PLEKHA8: variants seen among roughly 807,000 people sequenced by gnomAD.
PLEKHA8 encodes pleckstrin homology domain containing A8, also known as pleckstrin homology domain-containing family A member 8.
Under a neutral mutation model 68.2 loss-of-function variants are expected in PLEKHA8, and 36 were observed. The observed-to-expected ratio is 0.53, with a 90% CI of 0.40 to 0.70. PLEKHA8 has a LOEUF of 0.70. PLEKHA8 is among the 30% of genes least tolerant of loss of function. The pLI is 0.00. For synonymous variants in PLEKHA8, 211 were observed against 216.1 expected (o/e 0.98, Z 0.20); for missense variants, 505 against 615.4 (o/e 0.82, Z 1.90).
At chr7:30,035,671 G>T (rs1466196514) in intron 1 of PLEKHA8, among the ~76,000 whole-genome samples, 1 of 151,974 alleles carries the variant, frequency 6.6e-6, no homozygotes, top group Admixed American at 6.6e-5. Context: ...TTGAGATGGA[G>T]TGTTGCTCTG....
chr7:30,128,127 G>GTTTT (rs1796810710), intron 13 of PLEKHA8, among the ~76,000 whole-genome samples: 1 of 138,420 alleles, frequency 7.2e-6, no homozygotes, highest in Non-Finnish European at 1.5e-5. Flanking sequence ...TTTATTTTGA[G>GTTTT]ACAAGGTCTT....
At chr7:30,050,408 C>G (rs969767305) in intron 5 of PLEKHA8, 26 bp from the exon 6 acceptor site, 1 of 1,561,746 alleles carries the variant, frequency 6.4e-7, no homozygotes, top group Non-Finnish European at 8.7e-7. Context: ...AACATGTGAA[C>G]TTTCCTTTCT....
chr7:30,055,304 C>T lies in PLEKHA8; in HGVS notation c.1001C>T (p.Ala334Val), dbSNP rs534211573. The change falls in exon 9 of 14, where the codon GCA becomes GTA. Residue 334 changes from alanine to valine, a missense_variant. Transcript: ENST00000449726. The stretch of plus-strand genomic sequence containing the variant: ...GAAGACAGTGGCATTCCCACAGAAG[C>T]ATTCTTGGCATCATGTTATGCTGTG... ...LLEDSGIPTE[A>V]FLASCYAVVP... The T allele has an allele frequency of 1.9e-6, 3 of 1,614,128 alleles. No homozygotes were observed. Among genetic ancestry groups the T allele is most frequent in the South Asian group, 1.1e-5 (1 of 91,080 alleles).
intron 6 of PLEKHA8, among the ~76,000 whole-genome samples, chr7:30,052,405 G>A (rs909833763): frequency 1.3e-5 from 2 of 152,158 alleles, no homozygotes; most frequent in African/African-American, 4.8e-5. Context: ...AGAACGCTGA[G>A]GTGGGAGGAT....
intron 13 of PLEKHA8, chr7:30,117,930 A>T (rs748590507): frequency 6.6e-4 from 929 of 1,402,112 alleles, no homozygotes; most frequent in Non-Finnish European, 8.3e-4. Flanking sequence ...TTTATTTTTT[A>T]AAAAATTTAA....
intron 9 of PLEKHA8, among the ~76,000 whole-genome samples, chr7:30,057,253 C>T (rs978753091): frequency 1.3e-5 from 2 of 152,096 alleles, no homozygotes; most frequent in African/African-American, 4.8e-5. Flanking sequence ...TTAGTTCTGC[C>T]TATTCTAAAA....
chr7:30,080,941 T>C lies in PLEKHA8; in HGVS notation c.*2154T>C. ...CCAGGTGGTTGTTAGAATTGTGCAG[T>C]GTGATCATTCTAAACAGCTGCTGGT... is the stretch of plus-strand genomic sequence containing the variant. On this transcript the variant is annotated 3_prime_UTR_variant, in exon 14 of 14. Coordinates refer to ENST00000449726, the MANE Select transcript of PLEKHA8 (RefSeq NM_001197026.2). 1.0e-6 allele frequency: 1 copy of C among 985,384 alleles called. No individual in the cohort carries two copies. The highest frequency in any genetic ancestry group is 1.2e-6 in the Non-Finnish European group (1 of 829,916). 61.0% of individuals were successfully genotyped at this position (985,384 alleles called of 1,614,324 possible).
At chr7:30,055,827 T>C (rs2127982148) in intron 9 of PLEKHA8, among the ~76,000 whole-genome samples, 1 of 152,284 alleles carries the variant, frequency 6.6e-6, no homozygotes, top group East Asian at 1.9e-4. Flanking sequence ...CGGCTAATTT[T>C]TGTATTTTTT....
rs535854296 is a variant in PLEKHA8 at position 30,099,048 on chromosome 7, G to A, written c.1362+24916G>A. ...TGGGATTACAGGTGTGAGCCACCGT[G>A]CCCAGCCTTTTCTTTCTTTTTACAA... On this transcript the variant is annotated intron_variant, in intron 13 of 13. Transcript: ENST00000396257. 5.9e-5 allele frequency among the ~76,000 whole-genome samples: 9 copies of A among 152,290 alleles called. No individual in the cohort carries two copies. The South Asian group carries it at 1.9e-3, about 32-fold the overall frequency.
At chr7:30,029,429 G>A (rs1316395285) in intron 1 of PLEKHA8, among the ~76,000 whole-genome samples, 1 of 152,124 alleles carries the variant, frequency 6.6e-6, no homozygotes, top group Non-Finnish European at 1.5e-5. Flanking sequence ...GCAAATATTT[G>A]CAACTTTCTT....
intron 12 of PLEKHA8, among the ~76,000 whole-genome samples, chr7:30,073,461 C>T (rs963579294): frequency 2.7e-5 from 4 of 149,086 alleles, no homozygotes; most frequent in African/African-American, 9.9e-5. Context: ...TTTCCTCCCT[C>T]TTTGTTTCTT....
At chr7:30,056,838 ATATT>A (rs1309775518) in intron 9 of PLEKHA8, among the ~76,000 whole-genome samples, 1 of 145,608 alleles carries the variant, frequency 6.9e-6, no homozygotes, top group Admixed American at 7.0e-5. Flanking sequence ...TGTTATATAT[ATATT>A]TAATAGATAA....
At chr7:30,033,915 G>A (rs1790846270) in intron 1 of PLEKHA8, among the ~76,000 whole-genome samples, 1 of 148,544 alleles carries the variant, frequency 6.7e-6, no homozygotes, top group African/African-American at 2.5e-5. Context: ...CTTTTTATAT[G>A]CTGATTATCC....
intron 1 of PLEKHA8, among the ~76,000 whole-genome samples, chr7:30,040,356 T>C (rs778810910): frequency 8.5e-5 from 13 of 152,214 alleles, no homozygotes; most frequent in Non-Finnish European, 1.6e-4. Flanking sequence ...GTGAATCATG[T>C]TTAGGTCCCA....
intron 1 of PLEKHA8, among the ~76,000 whole-genome samples, chr7:30,037,864 G>A (rs996804877): frequency 6.6e-6 from 1 of 151,750 alleles, no homozygotes; most frequent in African/African-American, 2.4e-5. Context: ...TGTGTGCCAT[G>A]GTCATTTGCT....
Position 30,080,925 on chromosome 7 carries a change from T to C in PLEKHA8, c.*2138T>C. 1.0e-6 allele frequency: 1 copy of C among 985,412 alleles called. No individual in the cohort carries two copies. Among genetic ancestry groups the C allele is most frequent in the Non-Finnish European group, 1.2e-6 (1 of 829,926 alleles). 61.0% of individuals were successfully genotyped at this position (985,412 alleles called of 1,614,324 possible). A position where few individuals can be genotyped will look rare whatever the true frequency, so the allele number is the denominator to read the frequency against. ...TTTAGCGGGGATGATACCAGGTGGT[T>C]GTTAGAATTGTGCAGTGTGATCATT... On this transcript the variant is annotated 3_prime_UTR_variant, in exon 14 of 14. Transcript: ENST00000449726.
At chr7:30,056,364 T>C in intron 9 of PLEKHA8, among the ~76,000 whole-genome samples, 1 of 141,840 alleles carries the variant, frequency 7.1e-6, no homozygotes, top group East Asian at 2.0e-4. Context: ...ATAACACATA[T>C]ATATATAAAT....
intron 1 of PLEKHA8, among the ~76,000 whole-genome samples, chr7:30,037,691 T>C (rs983909387): frequency 1.3e-5 from 2 of 151,362 alleles, no homozygotes; most frequent in Non-Finnish European, 3.0e-5. Flanking sequence ...TCCTTCACTT[T>C]TTTTCTTTAC....
At chr7:30,092,067 C>T (rs1795434938), downstream of PLEKHA8, among the ~76,000 whole-genome samples, 1 of 152,142 alleles carries the variant, frequency 6.6e-6, no homozygotes, top group Non-Finnish European at 1.5e-5. Context: ...GTGTGTTACA[C>T]AAGACTTTTA....
Sources: allele counts gnomAD v4.1 joint callset (sites outside exome capture counted in the v4.1 genomes callset), GRCh38; gene constraint gnomAD v4.1.1; transcripts MANE v1.5; gene names NCBI Gene and HGNC (gene_info 2026-07-23, HGNC 2026-07-21).